The following FFAR4 variants were observed in gnomAD, a reference collection of about 807,000 sequenced individuals.
The protein encoded by FFAR4 is G-protein coupled receptor 120.
FFAR4 carries 19 observed loss-of-function variants against 27.0 expected under a neutral mutation model. The observed-to-expected ratio is 0.70, with a 90% confidence interval of 0.49 to 1.03. FFAR4 has a LOEUF of 1.03. Ranked by LOEUF, FFAR4 falls within the 50% of genes least tolerant of loss-of-function variation. The probability of loss-of-function intolerance (pLI) is 0.00; values close to 1 mark genes in which losing one functional copy is unlikely to be tolerated. For missense variants in FFAR4, 476 were observed against 479.0 expected (o/e 0.99, Z 0.06); for synonymous variants, 254 against 215.6 (o/e 1.18, Z -1.56).
intron 1 of FFAR4, among the ~76,000 whole-genome samples, chr10:93,571,597 C>A (rs1156910447): frequency 6.6e-6 from 1 of 152,164 alleles, no homozygotes; most frequent in Non-Finnish European, 1.5e-5. Context: ...TAATTTAATA[C>A]CAGGCTAGTC....
chr10:93,587,285 C>G lies in FFAR4; in HGVS notation c.762C>G (p.Arg254=). 2 of 1,614,078 alleles carry G rather than the reference C, an allele frequency of 1.2e-6. No individual in the cohort carries two copies. Among genetic ancestry groups the G allele is most frequent in the South Asian group, 1.1e-5 (1 of 91,082 alleles). The change falls in exon 3 of 3, where the codon CGC becomes CGG. Residue 254 remains arginine (R), a synonymous_variant. Coordinates refer to ENST00000371481, the MANE Select transcript of FFAR4 (RefSeq NM_001195755.2). ...SLAYSESHQI[R]VSQQDFRLFR... is the part of the protein sequence containing the mutation. ...CCTACTCGGAGAGCCACCAGATCCG[C>G]GTGTCCCAGCAGGACTTCCGGCTCT...
intron 1 of FFAR4, among the ~76,000 whole-genome samples, chr10:93,567,796 T>A (rs970183217): frequency 6.6e-6 from 1 of 152,150 alleles, no homozygotes; most frequent in Admixed American, 6.5e-5. Context: ...TGTCCAGGGT[T>A]GGGTTATGGT....
chr10:93,582,449 CAGG>C (rs1193967180), intron 2 of FFAR4, among the ~76,000 whole-genome samples: 1 of 148,186 alleles, frequency 6.7e-6, no homozygotes, highest in Admixed American at 7.0e-5. Context: ...GAGGCTGAGA[CAGG>C]AGAATTGCTT....
intron 2 of FFAR4, among the ~76,000 whole-genome samples, chr10:93,583,651 C>T (rs1283360910): frequency 2.6e-5 from 4 of 152,168 alleles, no homozygotes; most frequent in African/African-American, 2.4e-5. Context: ...AATGGGCTGG[C>T]GTCAGGCTGC....
rs1040512538 is a variant in FFAR4 at position 93,566,970 on chromosome 10, G to A, written c.250G>A (p.Ala84Thr). The A allele has an allele frequency of 6.2e-7, 1 of 1,611,794 alleles. No individual in the cohort carries two copies. Among genetic ancestry groups the A allele is most frequent in the Non-Finnish European group, 8.5e-7 (1 of 1,179,846 alleles). The change falls in exon 1 of 3, where the codon GCG (alanine) becomes ACG (threonine). Residue 84 changes from alanine (A) to threonine (T), a missense_variant. By Grantham distance (58) the Ala-to-Thr change is moderately conservative. Coordinates refer to ENST00000371481, the MANE Select transcript of FFAR4 (RefSeq NM_001195755.2). ...CTGCCTGGTACTCAACCTCTTCTGC[G>A]CGGACCTGCTCTTCATCAGCGCTAT... ...TACLVLNLFC[A>T]DLLFISAIPL...
chr10:93,566,778 G>C lies in FFAR4; in HGVS notation c.58G>C (p.Ala20Pro). The C allele has an allele frequency of 6.2e-7, 1 of 1,608,668 alleles. No homozygotes were observed. The change falls in exon 1 of 3, where the codon GCC (alanine) becomes CCC (proline). Residue 20 changes from alanine to proline, a missense_variant. Transcript: ENST00000371481. ...CGCGCCCTTGCGCAGCCTGGAGCAA[G>C]CCAACCGCACCCGCTTTCCCTTCTT... Reference protein sequence around the residue: ...GDAPLRSLEQANRTRFPFFSD... With the variant: ...GDAPLRSLEQPNRTRFPFFSD...
In FFAR4 at chr10:93,579,200, C is replaced by T. The variant is rs752801380; in HGVS notation, c.696+2981C>T. The T allele has an allele frequency of 9.3e-6, 15 of 1,613,540 alleles. No homozygotes were observed. The East Asian group carries it at 1.1e-4, about 12-fold the overall frequency. On this transcript the variant is annotated intron_variant, in intron 2 of 2. Coordinates refer to ENST00000371481, the MANE Select transcript of FFAR4 (RefSeq NM_001195755.2). ...TGGATGCAAGAGCTGTCGTGACTCA[C>T]AGTGAGGTAAAAGGGCACTCTGAGT...
At chr10:93,579,287 G>C (rs571367391) in intron 2 of FFAR4, 4 of 1,234,846 alleles carry the variant, frequency 3.2e-6, no homozygotes, top group African/African-American at 3.0e-5. Context: ...TTAAGGCCCT[G>C]TGTGGTCTGG....
rs552206637 is a variant in FFAR4 at position 93,568,740 on chromosome 10, G to A, written c.567+1453G>A. 2.6e-5 allele frequency among the ~76,000 whole-genome samples: 4 copies of A among 152,250 alleles called. No individual in the cohort carries two copies. In the South Asian group the frequency reaches 6.2e-4, roughly 24 times the overall value. Reference sequence around the variant, plus strand: ...GGAGTCTGCCTCCTGTATCCTGTGCGAGATTTTTTTTTTTAAACATAAATC... The same window carrying A: ...GGAGTCTGCCTCCTGTATCCTGTGCAAGATTTTTTTTTTTAAACATAAATC... On this transcript the variant is annotated intron_variant, in intron 1 of 2. Transcript: ENST00000371481.
intron 1 of FFAR4, among the ~76,000 whole-genome samples, chr10:93,568,249 C>A (rs2058111623): frequency 6.6e-6 from 1 of 152,138 alleles, no homozygotes; most frequent in South Asian, 2.1e-4. Context: ...ACAGTGGCCG[C>A]CGTCTGGCTG....
At chr10:93,585,211 G>T (rs1412524173) in intron 2 of FFAR4, among the ~76,000 whole-genome samples, 1 of 149,278 alleles carries the variant, frequency 6.7e-6, no homozygotes, top group African/African-American at 2.4e-5. Flanking sequence ...TTCATTGCCT[G>T]CCATGCCTCT....
At chr10:93,580,089 A>T (rs2058189217) in intron 2 of FFAR4, among the ~76,000 whole-genome samples, 1 of 152,178 alleles carries the variant, frequency 6.6e-6, no homozygotes, top group South Asian at 2.1e-4. Context: ...GATAATTTGG[A>T]AGCAGACAAG....
At chr10:93,583,124 C>A (rs985956743) in intron 2 of FFAR4, among the ~76,000 whole-genome samples, 1 of 150,876 alleles carries the variant, frequency 6.6e-6, no homozygotes, top group Non-Finnish European at 1.5e-5. Flanking sequence ...ACGCCTGGGC[C>A]GGGCGCGGTG....
intron 1 of FFAR4, among the ~76,000 whole-genome samples, chr10:93,568,474 C>T (rs1040625507): frequency 6.6e-6 from 1 of 152,138 alleles, no homozygotes; most frequent in Non-Finnish European, 1.5e-5. Context: ...CCTGAGTAAT[C>T]GTGGCACAAA....
At chr10:93,575,359 T>C (rs1297881482) in intron 1 of FFAR4, among the ~76,000 whole-genome samples, 2 of 152,268 alleles carry the variant, frequency 1.3e-5, no homozygotes, top group Non-Finnish European at 1.5e-5. Context: ...TATTTGTAAC[T>C]ATTCAGTAAG....
rs781414840 is a variant in FFAR4, at chr10:93,567,110, C to T, written c.390C>T (p.Ala130=). 6.2e-6 allele frequency: 10 copies of T among 1,608,826 alleles called. No homozygotes were observed. The highest frequency in any genetic ancestry group is 5.3e-5 in the African/African-American group (4 of 74,874). The change falls in exon 1 of 3, where the codon GCC becomes GCT. Residue 130 remains alanine, a synonymous_variant. Coordinates refer to ENST00000371481, the MANE Select transcript of FFAR4 (RefSeq NM_001195755.2). The part of the protein sequence containing the change: ...LSGSVTILTL[A]AVSLERMVCI... ...GCAGCGTCACCATCCTCACGCTGGCCGCGGTCAGCCTGGAGCGCATGGTGT... is the reference window on the plus strand; with the variant it reads ...GCAGCGTCACCATCCTCACGCTGGCTGCGGTCAGCCTGGAGCGCATGGTGT...
At chr10:93,567,588 G>A (rs2058106613) in intron 1 of FFAR4, among the ~76,000 whole-genome samples, 2 of 152,326 alleles carry the variant, frequency 1.3e-5, no homozygotes, top group East Asian at 3.9e-4. Flanking sequence ...GGGGTGCAGG[G>A]TGGCCAAACA....
At chr10:93,584,877 T>C (rs534033763) in intron 2 of FFAR4, among the ~76,000 whole-genome samples, 47 of 152,014 alleles carry the variant, frequency 3.1e-4, no homozygotes, top group African/African-American at 1.1e-3. Context: ...CTGCTCATTT[T>C]TTTGTATTTT....
intron 2 of FFAR4, chr10:93,579,164 G>A (rs371466980): frequency 2.6e-5 from 42 of 1,613,900 alleles, no homozygotes; most frequent in African/African-American, 1.7e-4. Flanking sequence ...TACAGACCTC[G>A]GAACACCTCC....
Sources: allele counts gnomAD v4.1 joint callset (sites outside exome capture counted in the v4.1 genomes callset), GRCh38; gene constraint gnomAD v4.1.1; transcripts MANE v1.5; gene names NCBI Gene and HGNC (gene_info 2026-07-23, HGNC 2026-07-21).